ATP11C: variants seen among roughly 807,000 people sequenced by gnomAD.
ATP11C encodes phospholipid-transporting ATPase IG.
Under a neutral mutation model 97.4 loss-of-function variants are expected in ATP11C, and 36 were observed. The ratio of observed to expected loss-of-function variants is 0.37; its 90% confidence interval spans 0.28 to 0.49. ATP11C has a LOEUF of 0.49. Ranked by LOEUF, ATP11C falls within the 20% of genes least tolerant of loss-of-function variation. The probability of loss-of-function intolerance (pLI) is 0.98; values close to 1 mark genes in which losing one functional copy is unlikely to be tolerated. For synonymous variants in ATP11C, 275 were observed against 290.9 expected (o/e 0.95, Z 0.56); for missense variants, 730 against 824.6 (o/e 0.89, Z 1.40).
At chrX:139,845,873 T>C (rs2083899918) in intron 1 of ATP11C, among the ~76,000 whole-genome samples, 1 of 112,264 alleles carries the variant, frequency 8.9e-6, no homozygotes, top group South Asian at 3.6e-4. Context: ...GTCCCATTCT[T>C]TTTAAATATG....
At chrX:139,761,851 T>C in intron 22 of ATP11C, 110 bp downstream of exon 22, 1 of 529,210 alleles carries the variant, frequency 1.9e-6, no homozygotes, top group Non-Finnish European at 2.7e-6. Flanking sequence ...AATTTCAGTA[T>C]GAGATATCAA....
chrX:139,747,131 A>T (rs768321509), intron 24 of ATP11C, among the ~76,000 whole-genome samples: 8 of 111,558 alleles, frequency 7.2e-5, no homozygotes, highest in Non-Finnish European at 1.5e-4. Flanking sequence ...CCCTATAGCC[A>T]GTAAGTCATG....
chrX:139,845,468 T>C (rs2083894394), intron 1 of ATP11C, among the ~76,000 whole-genome samples: 1 of 112,053 alleles, frequency 8.9e-6, no homozygotes, highest in Non-Finnish European at 1.9e-5. Context: ...AAGGGGAATA[T>C]ATGTAGGGAG....
At chrX:139,729,011 G>A in intron 29 of ATP11C, 49 bp from the exon 30 acceptor site, 1 of 960,760 alleles carries the variant, frequency 1.0e-6, no homozygotes, top group Non-Finnish European at 1.5e-6. Context: ...TTAATAATGT[G>A]AAACCATCTG....
rs1429333540 is a variant in ATP11C at position 139,745,746 on chromosome X, A to C, written c.2940T>G (p.Thr980=). 8.3e-7 allele frequency: 1 copy of C among 1,204,805 alleles called. No homozygotes were observed. The highest frequency in any genetic ancestry group is 1.8e-5 in the African/African-American group (1 of 56,934). Residue 980 remains threonine, a synonymous_variant, in exon 25 of 30, where the codon ACT becomes ACG. Transcript: ENST00000682941. ...CCTTTCCATTTTCTTCTAGGGATGC[A>C]GTCTGAAAAAGAAAGTAAGTCCCAA... ...FFFGTYFLFQ[T]ASLEENGKVY... is the part of the protein sequence containing the mutation.
chrX:139,739,781 T>C (rs1028382242), intron 27 of ATP11C, among the ~76,000 whole-genome samples: 1 of 111,514 alleles, frequency 9.0e-6, no homozygotes, highest in African/African-American at 3.3e-5. Context: ...CATAGATTCA[T>C]AGAATTATGG....
At chrX:139,911,136 A>C (rs1244438399) in intron 1 of ATP11C, among the ~76,000 whole-genome samples, 6 of 111,747 alleles carry the variant, frequency 5.4e-5, no homozygotes, top group Non-Finnish European at 1.1e-4. Context: ...ATTTAACTAC[A>C]TTAAAATTAA....
chrX:139,846,536 A>G, intron 1 of ATP11C, among the ~76,000 whole-genome samples: 1 of 112,098 alleles, frequency 8.9e-6, no homozygotes, highest in Middle Eastern at 4.6e-3. Context: ...AAATAAATTA[A>G]TAGATTAATA....
chrX:139,920,683 T>C (rs970934792), intron 1 of ATP11C, among the ~76,000 whole-genome samples: 1 of 111,992 alleles, frequency 8.9e-6, no homozygotes, highest in East Asian at 2.8e-4. Flanking sequence ...AGGTGAATTA[T>C]CTCAGTTTTT....
At chrX:139,805,332 T>A (rs1569464125) in intron 5 of ATP11C, among the ~76,000 whole-genome samples, 1 of 111,790 alleles carries the variant, frequency 8.9e-6, no homozygotes, top group Non-Finnish European at 1.9e-5. Context: ...TGACTTCTCA[T>A]CCCAGCTCTG....
At position 139,750,036 on chromosome X, in the gene ATP11C, G is replaced by T; in HGVS notation, c.2817C>A (p.Pro939=). The T allele has an allele frequency of 8.3e-7, 1 of 1,201,877 alleles. No individual in the cohort carries two copies. Among genetic ancestry groups the T allele is most frequent in the Non-Finnish European group, 1.1e-6 (1 of 888,760 alleles). Residue 939 remains proline, a synonymous_variant, in exon 24 of 30, where the codon CCC becomes CCA. Transcript: ENST00000682941. ...HINIDTLTSD[P]RLYMKISGNA... is the part of the protein sequence containing the mutation. ...TATATTTAACTTACATATACAATCG[G>T]GGATCTGAGGTCAGAGTGTCAATGT...
At chrX:139,772,158 T>C (rs1180737587) in intron 19 of ATP11C, among the ~76,000 whole-genome samples, 1 of 112,408 alleles carries the variant, frequency 8.9e-6, no homozygotes, top group South Asian at 3.7e-4. Context: ...GGGGCCAACG[T>C]AGAGCTTAGG....
Position 139,836,956 on chromosome X carries a change from A to G in ATP11C, c.28-10133T>C, listed in dbSNP as rs376305981. On this transcript the variant is annotated intron_variant, in intron 1 of 29. Coordinates refer to ENST00000682941, the MANE Select transcript of ATP11C (RefSeq NM_001353812.2). The stretch of plus-strand genomic sequence containing the variant: ...TTAAAATTAATAAACCTCTTAGAAT[A>G]CAAATCTTACCTATACACAGGATTT... Among the ~76,000 whole-genome samples the G allele has an allele frequency of 3.6e-5, 4 of 111,417 alleles. No homozygotes were observed. In the East Asian group the frequency reaches 1.1e-3, roughly 31 times the overall value.
chrX:139,787,660 A>ATCT (rs2082603475), intron 14 of ATP11C, among the ~76,000 whole-genome samples: 1 of 112,420 alleles, frequency 8.9e-6, no homozygotes, highest in Non-Finnish European at 1.9e-5. Context: ...CTTTCATATG[A>ATCT]TCTCAACATA....
intron 3 of ATP11C, among the ~76,000 whole-genome samples, chrX:139,818,680 G>T (rs2497274): frequency 0.18 from 20,144 of 111,318 alleles, 3,019 homozygotes; most frequent in African/African-American, 0.49. Flanking sequence ...ACAGGGCATT[G>T]GAGCAACTTC....
intron 1 of ATP11C, among the ~76,000 whole-genome samples, chrX:139,835,748 G>A (rs1487926011): frequency 9.4e-6 from 1 of 106,861 alleles, no homozygotes; most frequent in African/African-American, 3.4e-5. Context: ...AATGTGGCCG[G>A]CCGAGTGTGG....
chrX:139,871,171 T>C (rs1486316796), intron 1 of ATP11C, among the ~76,000 whole-genome samples: 1 of 110,708 alleles, frequency 9.0e-6, no homozygotes, highest in Non-Finnish European at 1.9e-5. Flanking sequence ...TGAACAGGGC[T>C]TTGAATGAAG....
At chrX:139,802,892 C>T (rs779243725) in intron 6 of ATP11C, among the ~76,000 whole-genome samples, 5 of 111,638 alleles carry the variant, frequency 4.5e-5, no homozygotes, top group East Asian at 2.8e-4. Flanking sequence ...AGGGAGATGA[C>T]GTGTCTTGCA....
intron 1 of ATP11C, among the ~76,000 whole-genome samples, chrX:139,921,090 G>A (rs750277128): frequency 6.3e-5 from 7 of 111,567 alleles, no homozygotes; most frequent in Non-Finnish European, 1.1e-4. Context: ...AACTGGAGGA[G>A]GAACAAATAT....
Sources: gnomAD v4.1 joint callset for allele counts (sites outside exome capture counted in the v4.1 genomes callset) on GRCh38, gnomAD v4.1.1 for gene constraint, MANE v1.5 for transcripts, NCBI Gene and HGNC (gene_info 2026-07-23, HGNC 2026-07-21) for gene names.